The following SLC4A10 variants were observed in gnomAD, a reference collection of about 807,000 sequenced individuals.
SLC4A10 encodes sodium-driven chloride bicarbonate exchanger.
SLC4A10 carries 42 observed loss-of-function variants against 137.7 expected under a neutral mutation model. That is an observed-to-expected ratio of 0.30 (90% CI 0.24 to 0.39). SLC4A10 has a LOEUF of 0.39. Among genes scored for constraint, SLC4A10 ranks in the 10% least tolerant of loss-of-function variants. The probability of loss-of-function intolerance (pLI) is 1.00; values close to 1 mark genes in which losing one functional copy is unlikely to be tolerated. For missense variants in SLC4A10, 925 were observed against 1,355.0 expected (o/e 0.68, Z 4.98); for synonymous variants, 474 against 464.1 (o/e 1.02, Z -0.27).
At chr2:161,864,548 T>C (rs1044743050) in intron 6 of SLC4A10, among the ~76,000 whole-genome samples, 1 of 152,174 alleles carries the variant, frequency 6.6e-6, no homozygotes, top group African/African-American at 2.4e-5. Flanking sequence ...ATTTTTGAGA[T>C]AGTTGATTTT....
At position 161,745,839 on chromosome 2, in the gene SLC4A10, G is replaced by A. The variant is rs573536383; in HGVS notation, c.49-25134G>A. The stretch of plus-strand genomic sequence containing the variant: ...GCTCTTGCAGACTAAAAGAGGTACT[G>A]CCTTGGTGGTGTTGTGTAAAATCTC... On this transcript the variant is annotated intron_variant, in intron 1 of 26. Coordinates refer to ENST00000446997, the MANE Select transcript of SLC4A10 (RefSeq NM_001178015.2). Among the ~76,000 whole-genome samples the A allele has an allele frequency of 2.8e-4, 43 of 152,280 alleles. No individual in the cohort carries two copies. The East Asian group carries it at 7.8e-3, about 27-fold the overall frequency.
At chr2:161,818,007 T>C (rs2057257581) in intron 3 of SLC4A10, among the ~76,000 whole-genome samples, 1 of 152,164 alleles carries the variant, frequency 6.6e-6, no homozygotes, top group Non-Finnish European at 1.5e-5. Context: ...TTTTTTCCAA[T>C]TCTGTGAAGA....
intron 1 of SLC4A10, among the ~76,000 whole-genome samples, chr2:161,743,571 TG>T (rs201280221): frequency 4.6e-5 from 7 of 151,672 alleles, no homozygotes; most frequent in Middle Eastern, 3.4e-3. Flanking sequence ...CAGTTTTTTT[TG>T]TTTGTTTGTT....
intron 1 of SLC4A10, among the ~76,000 whole-genome samples, chr2:161,675,126 T>C (rs2040142623): frequency 6.6e-6 from 1 of 152,190 alleles, no homozygotes; most frequent in Non-Finnish European, 1.5e-5. Flanking sequence ...AATGTAGCTG[T>C]AGTTAATTTT....
At chr2:161,723,488 C>T (rs1234887520) in intron 1 of SLC4A10, among the ~76,000 whole-genome samples, 2 of 152,182 alleles carry the variant, frequency 1.3e-5, no homozygotes, top group Non-Finnish European at 2.9e-5. Context: ...CTTCTGGTTT[C>T]GTTTCCACTA....
At chr2:161,686,712 GCATTAGGTT>G (rs2041448238) in intron 1 of SLC4A10, among the ~76,000 whole-genome samples, 1 of 152,110 alleles carries the variant, frequency 6.6e-6, no homozygotes, top group African/African-American at 2.4e-5. Flanking sequence ...CCTGACATTG[GCATTAGGTT>G]GTAGAACAAT....
chr2:161,744,109 A>G (rs2048180834), intron 1 of SLC4A10, among the ~76,000 whole-genome samples: 1 of 151,992 alleles, frequency 6.6e-6, no homozygotes, highest in African/African-American at 2.4e-5. Context: ...TCCAATTTGG[A>G]TGGACTTTAT....
At chr2:161,963,155 A>G (rs368072418) in intron 21 of SLC4A10, among the ~76,000 whole-genome samples, 5 of 152,124 alleles carry the variant, frequency 3.3e-5, no homozygotes, top group African/African-American at 1.2e-4. Context: ...ATGATTTGTT[A>G]GTAAATAAAA....
chr2:161,906,017 C>G (rs1025370244), intron 15 of SLC4A10, 130 bp downstream of exon 15: 2 of 1,193,122 alleles, frequency 1.7e-6, no homozygotes, highest in Non-Finnish European at 1.1e-6. Flanking sequence ...AATCCTGACT[C>G]TCAGAGTCGA....
intron 1 of SLC4A10, among the ~76,000 whole-genome samples, chr2:161,721,859 T>C (rs1048703987): frequency 3.3e-5 from 5 of 152,226 alleles, no homozygotes; most frequent in African/African-American, 9.6e-5. Context: ...ATAATCCTTA[T>C]AGTTCTTGGA....
intron 1 of SLC4A10, among the ~76,000 whole-genome samples, chr2:161,756,617 C>T (rs2049679869): frequency 6.6e-6 from 1 of 152,152 alleles, no homozygotes; most frequent in Non-Finnish European, 1.5e-5. Context: ...TCCTTGCCCA[C>T]TGTACCTGGG....
intron 1 of SLC4A10, among the ~76,000 whole-genome samples, chr2:161,662,096 G>T: frequency 6.6e-6 from 1 of 151,954 alleles, no homozygotes. Flanking sequence ...TGAATGTTTG[G>T]GTAATGTATA....
At chr2:161,794,870 C>G (rs1002239612) in intron 2 of SLC4A10, among the ~76,000 whole-genome samples, 1 of 151,986 alleles carries the variant, frequency 6.6e-6, no homozygotes, top group Non-Finnish European at 1.5e-5. Context: ...GTAACTGGCA[C>G]TGGTGAGCTG....
chr2:161,724,782 A>T (rs2046047973), intron 1 of SLC4A10, among the ~76,000 whole-genome samples: 1 of 151,960 alleles, frequency 6.6e-6, no homozygotes, highest in Non-Finnish European at 1.5e-5. Context: ...ATTCCTTAGG[A>T]TTTATTTACA....
At chr2:161,886,797 AT>A (rs568067833) in intron 10 of SLC4A10, among the ~76,000 whole-genome samples, 33 of 151,504 alleles carry the variant, frequency 2.2e-4, no homozygotes, top group Admixed American at 2.2e-3. Context: ...TTTTTGTTTG[AT>A]TTTTTTTGTA....
At chr2:161,856,337 CA>C (rs1434150187) in intron 5 of SLC4A10, among the ~76,000 whole-genome samples, 2 of 142,552 alleles carry the variant, frequency 1.4e-5, no homozygotes, top group African/African-American at 5.3e-5. Flanking sequence ...AAATATTAAG[CA>C]AAAACTCCAA....
At chr2:161,850,002 CT>C (rs137940161) in intron 4 of SLC4A10, among the ~76,000 whole-genome samples, 9,227 of 152,152 alleles carry the variant, frequency 0.061, 364 homozygotes, top group East Asian at 0.13. Context: ...TTGGCTGTGA[CT>C]CCATCTGATC....
chr2:161,679,413 G>C (rs2040603131), intron 1 of SLC4A10, among the ~76,000 whole-genome samples: 1 of 152,102 alleles, frequency 6.6e-6, no homozygotes, highest in South Asian at 2.1e-4. Context: ...AAGGTAAAGT[G>C]AAAGACTAGT....
chr2:161,963,131 A>C (rs1400804745), intron 21 of SLC4A10, among the ~76,000 whole-genome samples: 1 of 152,122 alleles, frequency 6.6e-6, no homozygotes, highest in Non-Finnish European at 1.5e-5. Context: ...TATAAAATAA[A>C]ACTATCATGC....
Sources: gnomAD v4.1 joint callset for allele counts (sites outside exome capture counted in the v4.1 genomes callset) on GRCh38, gnomAD v4.1.1 for gene constraint, MANE v1.5 for transcripts, NCBI Gene and HGNC (gene_info 2026-07-23, HGNC 2026-07-21) for gene names.